PIP4K2A: variants seen among roughly 807,000 people sequenced by gnomAD.
PIP4K2A encodes the protein phosphatidylinositol-5-phosphate 4-kinase type 2 alpha.
Under a neutral mutation model 42.9 loss-of-function variants are expected in PIP4K2A, and 14 were observed. The ratio of observed to expected loss-of-function variants is 0.33; its 90% CI spans 0.22 to 0.51. The LOEUF (loss-of-function observed/expected upper bound fraction) is 0.51. PIP4K2A is among the 20% of genes least tolerant of loss of function. The probability of loss-of-function intolerance (pLI) is 0.97; values close to 1 mark genes in which losing one functional copy is unlikely to be tolerated. For synonymous variants in PIP4K2A, 192 were observed against 192.2 expected, an observed-to-expected ratio of 1.00 and a Z score of 0.01; for missense variants, 434 against 519.8, an observed-to-expected ratio of 0.83 and a Z score of 1.61.
intron 8 of PIP4K2A, 142 bp downstream of exon 8, chr10:22,541,662 C>T (rs1296313616): frequency 6.3e-6 from 6 of 953,156 alleles, no homozygotes; most frequent in Non-Finnish European, 9.2e-6. Flanking sequence ...ATACTCTTGT[C>T]CCCAAATCCA....
chr10:22,543,716 GATC>G (rs1409292236), intron 7 of PIP4K2A, among the ~76,000 whole-genome samples: 1 of 152,218 alleles, frequency 6.6e-6, no homozygotes, highest in African/African-American at 2.4e-5. Context: ...ACCTGGCTGG[GATC>G]ATGTTTGTGG....
rs140531206 is a variant in PIP4K2A at position 22,703,192 on chromosome 10, G to A, written c.144+10991C>T. 6.8e-3 allele frequency among the ~76,000 whole-genome samples: 1,030 copies of A among 152,174 alleles called. 7 individuals are homozygous for A. The highest frequency in any genetic ancestry group is 0.011 in the Non-Finnish European group (739 of 68,000). On this transcript the variant is annotated intron_variant, in intron 1 of 9. Transcript: ENST00000376573. ...AGGCTGAGGCAGGAGGATTACTTGAGGCCAAGAGTTGAAGACCAGCCTGGG... is the reference window on the plus strand; with the variant it reads ...AGGCTGAGGCAGGAGGATTACTTGAAGCCAAGAGTTGAAGACCAGCCTGGG...
At position 22,645,686 on chromosome 10, in the gene PIP4K2A, AT is replaced by A. The variant is rs200780978; in HGVS notation, c.145-35970del. ...TTGAAAAACATGAAGATAGTACTTA[AT>A]TTTTTTTTTTTTTTCTGAGACAGGG... On this transcript the variant is annotated intron_variant, in intron 1 of 9. Coordinates refer to ENST00000376573, the MANE Select transcript of PIP4K2A (RefSeq NM_005028.5). 1.1e-3 allele frequency among the ~76,000 whole-genome samples: 165 copies of A among 144,678 alleles called. 1 individual carries two copies. Among genetic ancestry groups the A allele is most frequent in the Middle Eastern group, 3.5e-3 (1 of 282 alleles). The allele number at this position is 144,678 out of a possible 152,430, so 94.9% of individuals were successfully genotyped here.
chr10:22,661,786 C>T (rs1330925425), intron 1 of PIP4K2A: 1 of 152,128 alleles, frequency 6.6e-6, no homozygotes, highest in African/African-American at 2.4e-5. Flanking sequence ...ATGAATCAAT[C>T]GGTAAATGAA....
intron 1 of PIP4K2A, among the ~76,000 whole-genome samples, chr10:22,664,032 CATAT>C (rs1384082287): frequency 1.9e-5 from 2 of 105,234 alleles, no homozygotes; most frequent in South Asian, 2.7e-4. Flanking sequence ...CATATATATA[CATAT>C]ATATATATAT....
At chr10:22,621,145 C>T (rs973602349) in intron 1 of PIP4K2A, among the ~76,000 whole-genome samples, 4 of 152,190 alleles carry the variant, frequency 2.6e-5, no homozygotes, top group Non-Finnish European at 4.4e-5. Context: ...ATAAGAGCCA[C>T]GTGCAGATGA....
intron 6 of PIP4K2A, 129 bp downstream of exon 6, chr10:22,567,722 T>A: frequency 1.2e-6 from 1 of 818,400 alleles, no homozygotes; most frequent in Non-Finnish European, 2.2e-6. Flanking sequence ...TTCTCGCTGG[T>A]GGCAGCAGAA....
chr10:22,557,505 T>A (rs1042592705), intron 6 of PIP4K2A, among the ~76,000 whole-genome samples: 1 of 152,258 alleles, frequency 6.6e-6, no homozygotes, highest in Non-Finnish European at 1.5e-5. Context: ...CATATGTGCT[T>A]ATTTCATGAG....
chr10:22,573,182 C>T (rs1449111173), intron 5 of PIP4K2A, 129 bp downstream of exon 5: 2 of 779,828 alleles, frequency 2.6e-6, no homozygotes, highest in African/African-American at 3.4e-5. Flanking sequence ...GGAAGGAATA[C>T]ACTGCTACTT....
chr10:22,561,362 A>G (rs1355291009), intron 6 of PIP4K2A, among the ~76,000 whole-genome samples: 1 of 152,130 alleles, frequency 6.6e-6, no homozygotes, highest in East Asian at 1.9e-4. Flanking sequence ...AATCACACTA[A>G]TTACATGTCA....
chr10:22,559,107 A>G (rs983558241), intron 6 of PIP4K2A, among the ~76,000 whole-genome samples: 1 of 152,208 alleles, frequency 6.6e-6, no homozygotes, highest in African/African-American at 2.4e-5. Context: ...GCAGATATCT[A>G]TGGTGATAAT....
chr10:22,569,082 C>T (rs1187640467), intron 5 of PIP4K2A: 1 of 1,518,282 alleles, frequency 6.6e-7, no homozygotes, highest in South Asian at 1.2e-5. Flanking sequence ...TTTTTGATTA[C>T]TGGCTTTCAT....
chr10:22,585,549 C>T (rs904026689), intron 4 of PIP4K2A, among the ~76,000 whole-genome samples: 3 of 152,012 alleles, frequency 2.0e-5, no homozygotes, highest in Non-Finnish European at 4.4e-5. Context: ...CAGCTTCCCT[C>T]GGGTTACATT....
chr10:22,622,397 C>G (rs751017211), intron 1 of PIP4K2A, among the ~76,000 whole-genome samples: 1 of 152,134 alleles, frequency 6.6e-6, no homozygotes, highest in Non-Finnish European at 1.5e-5. Context: ...GCTTCGGGCA[C>G]GGGAAGACCC....
chr10:22,673,301 T>C (rs921963720), intron 1 of PIP4K2A, among the ~76,000 whole-genome samples: 1 of 152,238 alleles, frequency 6.6e-6, no homozygotes, highest in African/African-American at 2.4e-5. Context: ...ACTAAACTGA[T>C]TCCTTACAGG....
intron 1 of PIP4K2A, among the ~76,000 whole-genome samples, chr10:22,682,467 TA>T (rs1839682686): frequency 6.6e-6 from 1 of 152,202 alleles, no homozygotes; most frequent in Non-Finnish European, 1.5e-5. Flanking sequence ...TATAGTGTTT[TA>T]TTTTACTGAT....
intron 1 of PIP4K2A, among the ~76,000 whole-genome samples, chr10:22,655,888 G>A (rs934060935): frequency 2.0e-5 from 3 of 152,158 alleles, no homozygotes; most frequent in African/African-American, 7.2e-5. Flanking sequence ...GTTGTGCTGG[G>A]TGTGTTGTGT....
chr10:22,550,309 C>CA (rs1836372117), intron 7 of PIP4K2A, among the ~76,000 whole-genome samples: 2 of 152,254 alleles, frequency 1.3e-5, no homozygotes, highest in South Asian at 4.1e-4. Context: ...CTGGTTGACA[C>CA]AGAGTCCAGT....
At chr10:22,689,456 CG>C (rs1187846554) in intron 1 of PIP4K2A, among the ~76,000 whole-genome samples, 1 of 152,044 alleles carries the variant, frequency 6.6e-6, no homozygotes, top group African/African-American at 2.4e-5. Context: ...GACTTTTTTT[CG>C]TGCCATTATT....
Sources: allele counts gnomAD v4.1 joint callset (sites outside exome capture counted in the v4.1 genomes callset), GRCh38; gene constraint gnomAD v4.1.1; transcripts MANE v1.5; gene names NCBI Gene and HGNC (gene_info 2026-07-23, HGNC 2026-07-21).